The following TCAF1 variants were observed in gnomAD, a reference collection of about 807,000 sequenced individuals.
TCAF1 encodes TRPM8 channel associated factor 1, also known as TRPM8 channel-associated factor 1.
A neutral mutation model predicts 27.3 loss-of-function variants in TCAF1; 4 were observed. That is an observed-to-expected ratio of 0.15 (90% CI 0.07 to 0.34). The LOEUF is 0.34. Ranked by LOEUF, TCAF1 falls within the 10% of genes least tolerant of loss-of-function variation. The pLI is 1.00. For missense variants in TCAF1, 257 were observed against 425.8 expected (o/e 0.60, Z 3.49); for synonymous variants, 105 against 167.1 (o/e 0.63, Z 2.87).
intron 1 of TCAF1, among the ~76,000 whole-genome samples, chr7:143,883,912 G>A (rs1383754685): frequency 6.6e-6 from 1 of 152,194 alleles, no homozygotes. Context: ...GGGAAATGCA[G>A]GGTGGTGACA....
intron 2 of TCAF1, among the ~76,000 whole-genome samples, chr7:143,867,174 T>TA (rs1214005881): frequency 1.9e-3 from 132 of 68,172 alleles, no homozygotes; most frequent in East Asian, 3.2e-3. Flanking sequence ...TATTTTGGCT[T>TA]AAAAAAAAAA....
chr7:143,893,138 G>A (rs958857000), intron 1 of TCAF1, among the ~76,000 whole-genome samples: 8 of 152,094 alleles, frequency 5.3e-5, no homozygotes, highest in African/African-American at 1.9e-4. Context: ...TGTACAATGG[G>A]CAAAGTAAAC....
intron 6 of TCAF1, among the ~76,000 whole-genome samples, chr7:143,859,970 TATA>T (rs1811860715): frequency 2.3e-5 from 1 of 43,630 alleles, no homozygotes; most frequent in South Asian, 1.5e-3. Context: ...ATATATATTA[TATA>T]ATATATATTA....
rs558390382 is a variant in TCAF1 at position 143,879,819 on chromosome 7, T to G, written c.-14-3197A>C. Among the ~76,000 whole-genome samples, 8 of 152,210 alleles carry G rather than the reference T, an allele frequency of 5.3e-5. No individual in the cohort carries two copies. The South Asian group carries it at 1.2e-3, about 24-fold the overall frequency. On this transcript the variant is annotated intron_variant, in intron 1 of 8. Transcript: ENST00000479870. Reference sequence around the variant, plus strand: ...TACCCAGCATAAGACCCTGTAGCACTGTCCCCAGCCATCTATCCACACACA... The same window carrying G: ...TACCCAGCATAAGACCCTGTAGCACGGTCCCCAGCCATCTATCCACACACA...
intron 1 of TCAF1, among the ~76,000 whole-genome samples, chr7:143,901,738 G>A (rs529745648): frequency 1.3e-4 from 20 of 152,294 alleles, no homozygotes; most frequent in African/African-American, 4.3e-4. Context: ...AAATAGGGGG[G>A]GTCATCGCCT....
rs181775999 is a variant in TCAF1 at position 143,886,813 on chromosome 7, C to A, written c.-14-10191G>T. The stretch of plus-strand genomic sequence containing the variant: ...CAATCGATCCGCCCACCTCAGCCTC[C>A]CCAGTAGCTGGGACTACAGATGTGC... On this transcript the variant is annotated intron_variant, in intron 1 of 8. Transcript: ENST00000479870. Among the ~76,000 whole-genome samples, 833 of 150,734 alleles carry A rather than the reference C, an allele frequency of 5.5e-3. 5 individuals carry two copies. Among genetic ancestry groups the A allele is most frequent in the African/African-American group, 0.019 (777 of 40,932 alleles).
At chr7:143,874,649 A>G (rs1424053739) in intron 2 of TCAF1, among the ~76,000 whole-genome samples, 1 of 151,674 alleles carries the variant, frequency 6.6e-6, no homozygotes, top group Non-Finnish European at 1.5e-5. Flanking sequence ...CTTCTATGCC[A>G]CCACTTTCCT....
chr7:143,885,672 A>G (rs1813366195), intron 1 of TCAF1: 1 of 450,486 alleles, frequency 2.2e-6, no homozygotes, highest in Admixed American at 6.4e-5. Flanking sequence ...ATCTACTTAT[A>G]TATTGCCTCT....
Position 143,899,737 on chromosome 7 carries a change from T to C in TCAF1, c.-15+2224A>G, listed in dbSNP as rs929851370. ...ATTGGAAAGATGTCTGTGGCATATA[T>C]AGCTAACAATTACTGCTTCGTACCC... On this transcript the variant is annotated intron_variant, in intron 1 of 8. Transcript: ENST00000479870. Among the ~76,000 whole-genome samples the C allele has an allele frequency of 2.0e-5, 3 of 152,178 alleles. 1 individual carries two copies. Among genetic ancestry groups the C allele is most frequent in the South Asian group, 4.1e-4 (2 of 4,824 alleles).
chr7:143,896,566 C>A (rs1440922313), intron 1 of TCAF1, among the ~76,000 whole-genome samples: 1 of 152,024 alleles, frequency 6.6e-6, no homozygotes, highest in Non-Finnish European at 1.5e-5. Context: ...TTAAAGCTAG[C>A]TTCAGCGAAT....
chr7:143,893,170 T>G (rs963647176), intron 1 of TCAF1, among the ~76,000 whole-genome samples: 1 of 152,184 alleles, frequency 6.6e-6, no homozygotes, highest in Non-Finnish European at 1.5e-5. Flanking sequence ...CAAGTGTTAC[T>G]GTAGATATAA....
intron 1 of TCAF1, among the ~76,000 whole-genome samples, chr7:143,898,933 C>T (rs1814004087): frequency 6.6e-6 from 1 of 152,176 alleles, no homozygotes; most frequent in South Asian, 2.1e-4. Context: ...ATTCACCCTC[C>T]TTTTACACTC....
In TCAF1 at chr7:143,876,551, C is replaced by T; in HGVS notation, c.58G>A (p.Val20Ile). ...TCACATGGAACAGCATCTTCGGGTA[C>T]ATCCCAGCTTGTCACACCATTCATA... ...ALMNGVTSWD[V>I]PEDAVPCELL... is the part of the protein sequence containing the mutation. Residue 20 changes from valine to isoleucine, a missense_variant, in exon 2 of 9, where the codon GTA becomes ATA. Val to Ile is a conservative substitution (Grantham distance 29). Around this residue, in one of 2 missense-constraint regions of TCAF1, gnomAD observed 255 missense variants for 260.1 expected, o/e 0.98. Coordinates refer to ENST00000479870, the MANE Select transcript of TCAF1 (RefSeq NM_014719.3). 6.5e-7 allele frequency: 1 copy of T among 1,538,766 alleles called. No individual in the cohort carries two copies. Among genetic ancestry groups the T allele is most frequent in the Non-Finnish European group, 8.7e-7 (1 of 1,147,190 alleles).
chr7:143,884,294 A>T (rs1358027938), intron 1 of TCAF1, among the ~76,000 whole-genome samples: 1 of 151,984 alleles, frequency 6.6e-6, no homozygotes, highest in Admixed American at 6.5e-5. Flanking sequence ...CCTTTCTCCA[A>T]ATTGGATCAT....
At position 143,851,979 on chromosome 7, in the gene TCAF1, A is replaced by AATAAATGATATCCACATTATTTTGGC. The variant is rs1201382958; in HGVS notation, c.*2128_*2153dup. The AATAAATGATATCCACATTATTTTGGC allele has an allele frequency of 2.0e-5, 3 of 152,230 alleles. No individual in the cohort carries two copies. Among genetic ancestry groups the AATAAATGATATCCACATTATTTTGGC allele is most frequent in the African/African-American group, 7.2e-5 (3 of 41,434 alleles). 9.4% of individuals were successfully genotyped at this position (152,230 alleles called of 1,614,324 possible). A position where few individuals can be genotyped will look rare whatever the true frequency, so the allele number is the denominator to read the frequency against. On this transcript the variant is annotated 3_prime_UTR_variant, in exon 9 of 9. Coordinates refer to ENST00000479870, the MANE Select transcript of TCAF1 (RefSeq NM_014719.3). Reference sequence around the variant, plus strand: ...TAGGCTGATCTGAACATTGAATACTAATAAATGATATCCACATTATTTTGG... The same window carrying AATAAATGATATCCACATTATTTTGGC: ...TAGGCTGATCTGAACATTGAATACTAATAAATGATATCCACATTATTTTGGCATAAATGATATCCACATTATTTTGG...
chr7:143,860,002 A>ATATATATAATATATAT (rs1563211956), intron 6 of TCAF1, among the ~76,000 whole-genome samples: 2 of 4,656 alleles, frequency 4.3e-4, no homozygotes, highest in African/African-American at 8.5e-4. Flanking sequence ...ATATTATATA[A>ATATATATAATATATAT]TATATATATA....
chr7:143,878,905 T>C (rs1812863979), intron 1 of TCAF1, among the ~76,000 whole-genome samples: 1 of 152,176 alleles, frequency 6.6e-6, no homozygotes, highest in Non-Finnish European at 1.5e-5. Context: ...AATTTCTAAG[T>C]TACCAAGACC....
intron 1 of TCAF1, among the ~76,000 whole-genome samples, chr7:143,892,203 CTG>C (rs756775397): frequency 6.6e-6 from 1 of 151,996 alleles, no homozygotes; most frequent in East Asian, 1.9e-4. Context: ...TGAATATTGA[CTG>C]TTTAAATAAA....
chr7:143,879,216 A>G lies in TCAF1; in HGVS notation c.-14-2594T>C, dbSNP rs143603059. 1.1e-4 allele frequency among the ~76,000 whole-genome samples: 16 copies of G among 152,338 alleles called. No homozygotes were observed. The East Asian group carries it at 3.1e-3, about 29-fold the overall frequency. On this transcript the variant is annotated intron_variant, in intron 1 of 8. Coordinates refer to ENST00000479870, the MANE Select transcript of TCAF1 (RefSeq NM_014719.3). ...CTGTCCTTCTAAGAGAAGATATGGC[A>G]CAGAAAAGAAAATATAAATGGCCAC...
Sources: allele counts gnomAD v4.1 joint callset (sites outside exome capture counted in the v4.1 genomes callset), GRCh38; gene constraint gnomAD v4.1.1; regional missense constraint gnomAD v4.1.1; transcripts MANE v1.5; gene names NCBI Gene and HGNC (gene_info 2026-07-23, HGNC 2026-07-21).